The following PPP1R13B variants were observed in gnomAD, a reference collection of about 807,000 sequenced individuals.
PPP1R13B encodes protein phosphatase 1 regulatory subunit 13B, also known as apoptosis-stimulating of p53 protein 1.
Under a neutral mutation model 119.8 loss-of-function variants are expected in PPP1R13B, and 44 were observed. That is an observed-to-expected ratio of 0.37 (90% CI 0.29 to 0.47). PPP1R13B has a LOEUF of 0.47. Among genes scored for constraint, PPP1R13B ranks in the 20% least tolerant of loss-of-function variants. PPP1R13B has a pLI of 0.99. For synonymous variants in PPP1R13B, 542 were observed against 561.5 expected, an observed-to-expected ratio of 0.97 and a Z score of 0.49; for missense variants, 1,227 against 1,413.5, an observed-to-expected ratio of 0.87 and a Z score of 2.12.
At chr14:103,781,464 A>G (rs1189664513) in intron 3 of PPP1R13B, among the ~76,000 whole-genome samples, 1 of 152,186 alleles carries the variant, frequency 6.6e-6, no homozygotes, top group Non-Finnish European at 1.5e-5. Context: ...TTTAAAGTAG[A>G]TAGTAGCTCA....
intron 2 of PPP1R13B, among the ~76,000 whole-genome samples, chr14:103,796,830 C>T (rs780355986): frequency 1.2e-4 from 19 of 152,148 alleles, no homozygotes; most frequent in East Asian, 7.7e-4. Flanking sequence ...TGGTGGTGCG[C>T]GCCTATAGCC....
At chr14:103,799,017 T>C (rs1464440262) in intron 1 of PPP1R13B, among the ~76,000 whole-genome samples, 4 of 151,474 alleles carry the variant, frequency 2.6e-5, no homozygotes, top group Non-Finnish European at 5.9e-5. Flanking sequence ...TTGTTTTTCT[T>C]GAGACAGAGT....
chr14:103,752,158 G>A (rs2084564100), intron 7 of PPP1R13B, among the ~76,000 whole-genome samples: 1 of 152,128 alleles, frequency 6.6e-6, no homozygotes, highest in South Asian at 2.1e-4. Context: ...TCCTAATCTG[G>A]AAATCCAAAA....
intron 1 of PPP1R13B, among the ~76,000 whole-genome samples, chr14:103,835,476 A>G (rs1187419): frequency 1 from 150,382 of 150,594 alleles, 75,085 homozygotes; most frequent in Middle Eastern, 1. Flanking sequence ...TGTTGCCCAG[A>G]CTGAAGTACA....
At chr14:103,803,357 T>C (rs2085943765) in intron 1 of PPP1R13B, among the ~76,000 whole-genome samples, 1 of 152,074 alleles carries the variant, frequency 6.6e-6, no homozygotes, top group Admixed American at 6.6e-5. Flanking sequence ...AAATAAAAGA[T>C]TTGGGGCCGG....
At chr14:103,821,314 T>C (rs1205842270) in intron 1 of PPP1R13B, among the ~76,000 whole-genome samples, 2 of 152,180 alleles carry the variant, frequency 1.3e-5, no homozygotes, top group African/African-American at 4.8e-5. Context: ...CCTCTTCCTC[T>C]TTTTAATTTC....
intron 1 of PPP1R13B, among the ~76,000 whole-genome samples, chr14:103,844,685 T>C (rs550296169): frequency 1.3e-5 from 2 of 151,434 alleles, no homozygotes; most frequent in Non-Finnish European, 2.9e-5. Context: ...GTCAAGATCA[T>C]GTTGCACTCC....
At chr14:103,746,291 T>TTGGGG in intron 9 of PPP1R13B, 82 bp downstream of exon 9, 1 of 272,100 alleles carries the variant, frequency 3.7e-6, no homozygotes, top group East Asian at 9.6e-5. Context: ...CTCAGGAGCC[T>TTGGGG]GCCCCACCCC....
chr14:103,782,827 G>T (rs1158215070), intron 3 of PPP1R13B, among the ~76,000 whole-genome samples: 2 of 151,188 alleles, frequency 1.3e-5, no homozygotes, highest in African/African-American at 2.4e-5. Context: ...TTTTGAGATG[G>T]AGTTTCACTC....
intron 7 of PPP1R13B, among the ~76,000 whole-genome samples, chr14:103,750,202 T>C (rs1463398195): frequency 6.6e-6 from 1 of 151,168 alleles, no homozygotes; most frequent in Non-Finnish European, 1.5e-5. Flanking sequence ...AGGAGACTAG[T>C]GCGGTGTTTG....
intron 9 of PPP1R13B, among the ~76,000 whole-genome samples, chr14:103,745,977 C>T (rs772548935): frequency 5.9e-5 from 9 of 151,996 alleles, no homozygotes; most frequent in Non-Finnish European, 1.0e-4. Flanking sequence ...GGCTAATTTT[C>T]GTAGTTTTAG....
chr14:103,744,596 T>C (rs534813034), intron 9 of PPP1R13B, among the ~76,000 whole-genome samples: 15 of 152,352 alleles, frequency 9.8e-5, no homozygotes, highest in Admixed American at 6.5e-4. Flanking sequence ...CCCACTAAGC[T>C]TGTCAGCCAA....
At chr14:103,838,615 G>C (rs1022887565) in intron 1 of PPP1R13B, among the ~76,000 whole-genome samples, 1 of 152,178 alleles carries the variant, frequency 6.6e-6, no homozygotes, top group Admixed American at 6.5e-5. Flanking sequence ...CCCCTCCCCA[G>C]AAAAAGACAC....
chr14:103,816,080 T>C (rs1287575612), intron 1 of PPP1R13B, among the ~76,000 whole-genome samples: 2 of 151,628 alleles, frequency 1.3e-5, no homozygotes, highest in Non-Finnish European at 2.9e-5. Context: ...CAAGACTCCA[T>C]CTCAAAACAA....
chr14:103,817,670 A>C (rs2152065976), intron 1 of PPP1R13B, among the ~76,000 whole-genome samples: 1 of 152,292 alleles, frequency 6.6e-6, no homozygotes, highest in Middle Eastern at 3.4e-3. Flanking sequence ...ATTAATAATA[A>C]AAATAGCTAA....
intron 4 of PPP1R13B, among the ~76,000 whole-genome samples, chr14:103,766,871 A>G (rs4344667): frequency 1.3e-5 from 2 of 152,236 alleles, no homozygotes; most frequent in East Asian, 3.8e-4. Context: ...ATGATCAAAC[A>G]TCAACAATTT....
chr14:103,749,772 T>C (rs1303163929), intron 8 of PPP1R13B, 22 bp downstream of exon 8: 1 of 1,607,882 alleles, frequency 6.2e-7, no homozygotes. Context: ...GTAGTTTATC[T>C]CACAAAAACT....
At chr14:103,778,556 G>A in intron 4 of PPP1R13B, 189 bp downstream of exon 4, 1 of 568,510 alleles carries the variant, frequency 1.8e-6, no homozygotes, top group Non-Finnish European at 3.1e-6. Context: ...CACACACCTG[G>A]CCTCATCTGA....
intron 4 of PPP1R13B, among the ~76,000 whole-genome samples, chr14:103,761,635 T>C (rs945037332): frequency 1.3e-5 from 2 of 151,834 alleles, no homozygotes; most frequent in African/African-American, 4.8e-5. Flanking sequence ...TGGTGGCAGG[T>C]GCCTGTAATC....
Sources: gnomAD v4.1 joint callset for allele counts (sites outside exome capture counted in the v4.1 genomes callset) on GRCh38, gnomAD v4.1.1 for gene constraint, MANE v1.5 for transcripts, NCBI Gene and HGNC (gene_info 2026-07-23, HGNC 2026-07-21) for gene names.